SLC2A9: variants seen among roughly 807,000 people sequenced by gnomAD.
The protein encoded by SLC2A9 is solute carrier family 2, facilitated glucose transporter member 9.
Under a neutral mutation model 50.6 loss-of-function variants are expected in SLC2A9, and 39 were observed. That is an observed-to-expected ratio of 0.77 (90% confidence interval 0.60 to 1.01). The LOEUF is 1.01. Ranked by LOEUF, SLC2A9 falls within the 50% of genes least tolerant of loss-of-function variation. The pLI is 0.00. For missense variants in SLC2A9, 686 were observed against 677.6 expected (o/e 1.01, Z -0.14); for synonymous variants, 324 against 276.9 (o/e 1.17, Z -1.69).
downstream of SLC2A9, among the ~76,000 whole-genome samples, chr4:9,826,048 C>A (rs1314284378): frequency 6.6e-6 from 1 of 152,092 alleles, no homozygotes; most frequent in Non-Finnish European, 1.5e-5. Flanking sequence ...TTTGATAAAG[C>A]ATTAACCTAC....
intron 3 of SLC2A9, among the ~76,000 whole-genome samples, chr4:9,814,087 C>T (rs1428669553): frequency 1.3e-5 from 2 of 152,160 alleles, no homozygotes; most frequent in African/African-American, 4.8e-5. Flanking sequence ...TTGCAGTGAG[C>T]CAAGATTGTG....
In SLC2A9 at chr4:10,038,998, G is replaced by T. The variant is rs551154930; in HGVS notation, c.-41+1132C>A. On this transcript the variant is annotated intron_variant, in intron 1 of 12. Coordinates refer to the SLC2A9 transcript ENST00000309065. ...CTGCCGTTCTAGTGTAGAAGCAGCC[G>T]TAGACAATGGTTAAACAGATGTGCA... Among the ~76,000 whole-genome samples the T allele has an allele frequency of 7.2e-5, 11 of 152,346 alleles. No individual in the cohort carries two copies. In the South Asian group the frequency reaches 2.3e-3, roughly 32 times the overall value.
In SLC2A9 at chr4:9,834,927, T is replaced by G. The variant is rs773837458; in HGVS notation, c.1373A>C (p.Asn458Thr). 1 of 1,614,056 alleles carries G rather than the reference T, an allele frequency of 6.2e-7. No individual in the cohort carries two copies. Among genetic ancestry groups the G allele is most frequent in the East Asian group, 2.2e-5 (1 of 44,890 alleles). The change falls in exon 11 of 12, where the codon AAC (asparagine) becomes ACC (threonine). Residue 458 changes from asparagine to threonine, a missense_variant. Asn to Thr is a moderately conservative substitution (Grantham distance 65, BLOSUM62 0). Transcript: ENST00000264784. Reference sequence around the variant, plus strand: ...CCCAACAGCAAAGTTGGAGAGCCAGTTGACGGTGCCTGCAATGATGAAGGC... The same window carrying G: ...CCCAACAGCAAAGTTGGAGAGCCAGGTGACGGTGCCTGCAATGATGAAGGC... ...PAAFIIAGTV[N>T]WLSNFAVGLL...
chr4:9,833,290 T>C (rs1726481184), intron 11 of SLC2A9, among the ~76,000 whole-genome samples: 1 of 152,136 alleles, frequency 6.6e-6, no homozygotes, highest in African/African-American at 2.4e-5. Flanking sequence ...AAATAGAGTG[T>C]TTGTTGCTAA....
At position 10,028,107 on chromosome 4, in the gene SLC2A9, C is replaced by T. The variant is rs59077355; in HGVS notation, c.-40-2101G>A. Among the ~76,000 whole-genome samples, 641 of 152,256 alleles carry T rather than the reference C, an allele frequency of 4.2e-3. 17 individuals carry two copies. The East Asian group carries it at 0.071, about 17-fold the overall frequency. On this transcript the variant is annotated intron_variant, in intron 1 of 12. Coordinates refer to the SLC2A9 transcript ENST00000309065. ...GGGTTTCTGCTGCTTTGACCAGGAA[C>T]CCAGCTGCCCAAGCAGCCCCTTCGA...
chr4:9,948,887 T>G (rs1451033942), intron 5 of SLC2A9, among the ~76,000 whole-genome samples: 1 of 152,238 alleles, frequency 6.6e-6, no homozygotes, highest in African/African-American at 2.4e-5. Context: ...TATGGGCCCA[T>G]GATTCCAAAT....
At chr4:9,935,511 T>C (rs1340591331) in intron 6 of SLC2A9, among the ~76,000 whole-genome samples, 1 of 152,196 alleles carries the variant, frequency 6.6e-6, no homozygotes, top group African/African-American at 2.4e-5. Flanking sequence ...AGCTGGTTCT[T>C]AGAGAGCATC....
At chr4:9,777,056 T>A (rs1286056307), downstream of SLC2A9, among the ~76,000 whole-genome samples, 2 of 152,360 alleles carry the variant, frequency 1.3e-5, no homozygotes, top group Non-Finnish European at 2.9e-5. Flanking sequence ...CCCTCTTTTG[T>A]TATTCTGTTT....
At chr4:10,010,698 C>G (rs999339337) in intron 2 of SLC2A9, among the ~76,000 whole-genome samples, 1 of 152,180 alleles carries the variant, frequency 6.6e-6, no homozygotes, top group African/African-American at 2.4e-5. Context: ...AGCATTTCCC[C>G]CAAGCTACAG....
Position 9,985,655 on chromosome 4 carries a change from T to A in SLC2A9, c.535+14A>T. 1.2e-6 allele frequency: 2 copies of A among 1,613,972 alleles called. No individual in the cohort carries two copies. The highest frequency in any genetic ancestry group is 8.5e-7 in the Non-Finnish European group (1 of 1,179,846). Reference sequence around the variant, plus strand: ...GTATGTTACTGTTCCCTCCCCGTCATGGTGAACTCTCACCTCCATCTATGC... The same window carrying A: ...GTATGTTACTGTTCCCTCCCCGTCAAGGTGAACTCTCACCTCCATCTATGC... On this transcript the variant is annotated intron_variant, in intron 4 of 11. Coordinates refer to ENST00000264784, the MANE Select transcript of SLC2A9 (RefSeq NM_020041.3).
intron 10 of SLC2A9, among the ~76,000 whole-genome samples, chr4:9,873,958 T>C (rs1205248680): frequency 6.6e-6 from 1 of 152,192 alleles, no homozygotes; most frequent in African/African-American, 2.4e-5. Context: ...TAAACACCAG[T>C]GTGATAATGC....
chr4:9,806,992 T>G (rs1259554081), intron 3 of SLC2A9, among the ~76,000 whole-genome samples: 1 of 152,212 alleles, frequency 6.6e-6, no homozygotes, highest in Non-Finnish European at 1.5e-5. Context: ...CTTTTCCAGC[T>G]GACTGACACC....
At position 10,012,534 on chromosome 4, in the gene SLC2A9, A is replaced by T. The variant is rs183193127; in HGVS notation, c.249+6441T>A. ...GAAGTAAAGGAATATGTCATATCTC[A>T]GGTAGTGTTAAATACCATGAGGAGA... On this transcript the variant is annotated intron_variant, in intron 2 of 11. Transcript: ENST00000264784. 4.3e-3 allele frequency among the ~76,000 whole-genome samples: 655 copies of T among 152,330 alleles called. 7 individuals are homozygous for T. The highest frequency in any genetic ancestry group is 0.015 in the African/African-American group (609 of 41,588).
At chr4:9,984,686 G>C (rs560527964) in intron 4 of SLC2A9, among the ~76,000 whole-genome samples, 1 of 152,246 alleles carries the variant, frequency 6.6e-6, no homozygotes. Context: ...AATATATCTT[G>C]AGTCTCCTAC....
rs138578907 is a variant in SLC2A9 at position 9,826,403 on chromosome 4, C to G, written c.1617G>C (p.Arg539Ser). 9 of 1,614,024 alleles carry G rather than the reference C, an allele frequency of 5.6e-6. No homozygotes were observed. Among genetic ancestry groups the G allele is most frequent in the Non-Finnish European group, 7.6e-6 (9 of 1,179,928 alleles). Residue 539 changes from arginine to serine, a missense_variant, in exon 12 of 12, where the codon AGG becomes AGC. Physicochemically the swap from Arg to Ser is moderately radical, Grantham distance 110. Transcript: ENST00000264784. Reference protein sequence around the residue: ...SAVTDGKINGRP With the variant: ...SAVTDGKINGSP Reference sequence around the variant, plus strand: ...ACGTGGAGGAGGAAACTTGTTAAGGCCTTCCATTTATCTTACCATCAGTGA... The same window carrying G: ...ACGTGGAGGAGGAAACTTGTTAAGGGCTTCCATTTATCTTACCATCAGTGA...
chr4:9,830,185 A>T (rs991571488), intron 11 of SLC2A9, among the ~76,000 whole-genome samples: 11 of 152,374 alleles, frequency 7.2e-5, no homozygotes, highest in African/African-American at 2.6e-4. Flanking sequence ...ATGTAGCCAT[A>T]AAAAGGAATG....
chr4:9,943,332 A>G (rs138558177), intron 5 of SLC2A9, among the ~76,000 whole-genome samples: 52 of 152,314 alleles, frequency 3.4e-4, no homozygotes, highest in Non-Finnish European at 4.7e-4. Context: ...TGTATCTAAT[A>G]ACAATTTTTA....
chr4:9,788,829 G>C (rs1719547199), intron 3 of SLC2A9, among the ~76,000 whole-genome samples: 1 of 152,126 alleles, frequency 6.6e-6, no homozygotes, highest in Non-Finnish European at 1.5e-5. Context: ...TTCAACACGA[G>C]ATATGTCAGA....
intron 4 of SLC2A9, among the ~76,000 whole-genome samples, chr4:9,982,230 G>C (rs1756007974): frequency 6.6e-6 from 1 of 152,166 alleles, no homozygotes; most frequent in South Asian, 2.1e-4. Flanking sequence ...GGTAATAGCA[G>C]CAATATTCCT....
Sources: gnomAD v4.1 joint callset for allele counts (sites outside exome capture counted in the v4.1 genomes callset) on GRCh38, gnomAD v4.1.1 for gene constraint, MANE v1.5 for transcripts, NCBI Gene and HGNC (gene_info 2026-07-23, HGNC 2026-07-21) for gene names.